Variants in MCC observed in about 807,000 individuals in gnomAD.
MCC encodes MCC regulator of Wnt signaling pathway.
Under a neutral mutation model 116.2 loss-of-function variants are expected in MCC, and 90 were observed. The observed-to-expected ratio is 0.77, with a 90% CI of 0.65 to 0.92. The LOEUF is 0.92. MCC is among the 40% of genes least tolerant of loss of function. The pLI is 0.00. For missense variants in MCC, 1,516 were observed against 1,312.2 expected, an observed-to-expected ratio of 1.16 and a Z score of -2.40; for synonymous variants, 578 against 510.5, an observed-to-expected ratio of 1.13 and a Z score of -1.78.
intron 2 of MCC, among the ~76,000 whole-genome samples, chr5:113,345,320 C>CA (rs1291769774): frequency 6.6e-6 from 1 of 152,166 alleles, no homozygotes; most frequent in African/African-American, 2.4e-5. Flanking sequence ...CTGACCTGCC[C>CA]AGAGCCTGGG....
intron 17 of MCC, among the ~76,000 whole-genome samples, chr5:113,031,863 C>G (rs950110471): frequency 2.0e-5 from 3 of 152,118 alleles, no homozygotes. Context: ...TCTCTCAGAC[C>G]CAGGCCAACC....
At chr5:113,270,073 C>T (rs1266658531) in intron 3 of MCC, among the ~76,000 whole-genome samples, 2 of 152,058 alleles carry the variant, frequency 1.3e-5, no homozygotes, top group Non-Finnish European at 2.9e-5. Flanking sequence ...CTTTCATTTA[C>T]AACAGGGTGT....
rs1231739253 is a variant in MCC at position 113,022,823 on chromosome 5, T to A, written c.*4479A>T. On this transcript the variant is annotated 3_prime_UTR_variant, in exon 19 of 19. Coordinates refer to ENST00000408903, the MANE Select transcript of MCC (RefSeq NM_001085377.2). ...TGACTGTGGAAAGATGAAGTACTAG[T>A]CAAGGATGTGGTTTTACATAGCAGT... 6.6e-6 allele frequency: 1 copy of A among 152,238 alleles called. No homozygotes were observed. Among genetic ancestry groups the A allele is most frequent in the Admixed American group, 6.5e-5 (1 of 15,288 alleles). 9.4% of individuals were successfully genotyped at this position (152,238 alleles called of 1,614,324 possible). A position where few individuals can be genotyped will look rare whatever the true frequency, so the allele number is the denominator to read the frequency against.
chr5:113,480,822 G>A (rs1369942195), intron 1 of MCC, among the ~76,000 whole-genome samples: 2 of 151,942 alleles, frequency 1.3e-5, no homozygotes, highest in African/African-American at 4.8e-5. Context: ...TGTTGCCCAG[G>A]CTGAGTGCAG....
At chr5:113,294,269 G>T in intron 3 of MCC, 2 of 1,611,182 alleles carry the variant, frequency 1.2e-6, no homozygotes, top group Non-Finnish European at 1.7e-6. Flanking sequence ...GAGGGGAGGG[G>T]GATTTGTGGA....
At chr5:113,243,166 GT>G (rs138727585) in intron 3 of MCC, among the ~76,000 whole-genome samples, 7 of 151,690 alleles carry the variant, frequency 4.6e-5, no homozygotes, top group Non-Finnish European at 1.0e-4. Context: ...ATGTGTTTTT[GT>G]TTTTTTTGTT....
chr5:113,068,883 G>C (rs1753819084), intron 12 of MCC, among the ~76,000 whole-genome samples: 1 of 152,182 alleles, frequency 6.6e-6, no homozygotes, highest in Non-Finnish European at 1.5e-5. Flanking sequence ...CCCTGAACCA[G>C]AACCACCTAC....
intron 3 of MCC, among the ~76,000 whole-genome samples, chr5:113,153,676 C>T (rs1178138448): frequency 1.3e-5 from 2 of 152,196 alleles, no homozygotes; most frequent in African/African-American, 4.8e-5. Flanking sequence ...ATATTTTCCA[C>T]CCAATTATGG....
chr5:113,475,438 G>A (rs1772212060), intron 1 of MCC, among the ~76,000 whole-genome samples: 1 of 152,166 alleles, frequency 6.6e-6, no homozygotes, highest in Non-Finnish European at 1.5e-5. Flanking sequence ...GGTCCAAAGA[G>A]TCCTTCTACC....
chr5:113,053,234 T>C (rs185021929), intron 15 of MCC, among the ~76,000 whole-genome samples: 22 of 152,278 alleles, frequency 1.4e-4, no homozygotes, highest in Admixed American at 5.9e-4. Context: ...AACAGCACTG[T>C]ACACCTTCAC....
At chr5:113,194,744 G>A (rs997638601) in intron 3 of MCC, among the ~76,000 whole-genome samples, 2 of 152,220 alleles carry the variant, frequency 1.3e-5, no homozygotes, top group South Asian at 2.1e-4. Flanking sequence ...GATTCCCTAT[G>A]ATGAGTGATG....
intron 6 of MCC, among the ~76,000 whole-genome samples, chr5:113,116,668 T>C (rs1034385067): frequency 6.6e-6 from 1 of 152,178 alleles, no homozygotes; most frequent in Non-Finnish European, 1.5e-5. Flanking sequence ...GGGGAAAATA[T>C]TCCAAAGTAA....
intron 3 of MCC, among the ~76,000 whole-genome samples, chr5:113,258,299 T>C (rs1174096416): frequency 1.3e-5 from 2 of 152,248 alleles, no homozygotes; most frequent in Non-Finnish European, 2.9e-5. Context: ...GCACTCAACA[T>C]ATTTGAATGC....
intron 3 of MCC, among the ~76,000 whole-genome samples, chr5:113,318,333 A>G (rs929567108): frequency 6.6e-6 from 1 of 152,214 alleles, no homozygotes; most frequent in African/African-American, 2.4e-5. Flanking sequence ...CAAAGCCTAC[A>G]TAAGAGCTAA....
rs1333775774 is a variant in MCC at position 113,488,339 on chromosome 5, T to C, written c.76A>G (p.Ser26Gly). Residue 26 changes from serine to glycine, a missense_variant, in exon 1 of 19, where the codon AGC becomes GGC. Physicochemically the swap from Ser to Gly is moderately conservative, Grantham distance 56. Coordinates refer to ENST00000408903, the MANE Select transcript of MCC (RefSeq NM_001085377.2). ...GGGGGGSGSS[S>G]SSSDTSSTGE... is the part of the protein sequence containing the mutation. ...GTGCTGGACGTGTCGCTGCTGCTGC[T>C]GCTGCTGCCGCTGCCGCCGCCGCCG... 3.2e-5 allele frequency: 47 copies of C among 1,466,092 alleles called. No individual in the cohort carries two copies. In the East Asian group the frequency reaches 6.0e-4, roughly 19 times the overall value. The allele number at this position is 1,466,092 out of a possible 1,614,324, so 90.8% of individuals were successfully genotyped here. A position where few individuals can be genotyped will look rare whatever the true frequency, so the allele number is the denominator to read the frequency against.
At chr5:113,449,560 A>G (rs1228638004) in intron 1 of MCC, among the ~76,000 whole-genome samples, 2 of 152,240 alleles carry the variant, frequency 1.3e-5, no homozygotes, top group African/African-American at 2.4e-5. Flanking sequence ...GATTTCTGTG[A>G]GGACTTATCT....
chr5:113,454,753 G>A (rs973658167), intron 1 of MCC, among the ~76,000 whole-genome samples: 6 of 152,016 alleles, frequency 3.9e-5, no homozygotes, highest in Non-Finnish European at 7.4e-5. Flanking sequence ...ATATGGAGGG[G>A]AAAATCAATG....
intron 1 of MCC, chr5:113,433,499 C>T (rs550415580): frequency 5.3e-5 from 33 of 620,286 alleles, no homozygotes; most frequent in South Asian, 2.8e-4. Flanking sequence ...CTCCGGGTCA[C>T]GCTCTGGGGG....
intron 3 of MCC, among the ~76,000 whole-genome samples, chr5:113,202,600 AC>A (rs1762731415): frequency 1.3e-5 from 2 of 152,182 alleles, no homozygotes; most frequent in Admixed American, 1.3e-4. Flanking sequence ...ACACGCTTAT[AC>A]ACACATGGTA....
Sources: allele counts gnomAD v4.1 joint callset (sites outside exome capture counted in the v4.1 genomes callset), GRCh38; gene constraint gnomAD v4.1.1; transcripts MANE v1.5; gene names NCBI Gene and HGNC (gene_info 2026-07-23, HGNC 2026-07-21).